The following PKHD1L1 variants were observed in gnomAD, a reference collection of about 807,000 sequenced individuals.
PKHD1L1 encodes the protein fibrocystin-L.
In PKHD1L1, 434 loss-of-function variants were observed where a neutral mutation model predicts 462.9. That is an observed-to-expected ratio of 0.94 (90% CI 0.87 to 1.02). PKHD1L1 has a LOEUF of 1.02. PKHD1L1 is among the 50% of genes least tolerant of loss of function. The pLI is 0.00. For missense variants in PKHD1L1, 5,202 were observed against 5,096.1 expected (o/e 1.02, Z -0.63); for synonymous variants, 1,781 against 1,750.0 (o/e 1.02, Z -0.44).
intron 19 of PKHD1L1, 100 bp downstream of exon 19, chr8:109,410,078 G>C: frequency 1.5e-6 from 1 of 650,588 alleles, no homozygotes; most frequent in East Asian, 3.3e-5. Flanking sequence ...TAATAACTTT[G>C]TTATTCACAG....
intron 27 of PKHD1L1, among the ~76,000 whole-genome samples, chr8:109,431,549 G>A (rs1344065115): frequency 2.0e-5 from 3 of 151,878 alleles, no homozygotes. Context: ...CACACACACG[G>A]TAATTTTGCC....
In PKHD1L1 at chr8:109,507,881, A is replaced by C; in HGVS notation, c.11213A>C (p.Lys3738Thr). The C allele has an allele frequency of 2.5e-6, 4 of 1,613,520 alleles. No homozygotes were observed. The highest frequency in any genetic ancestry group is 3.4e-6 in the Non-Finnish European group (4 of 1,179,606). Residue 3738 changes from lysine to threonine, a missense_variant, in exon 69 of 78, where the codon AAA becomes ACA. Transcript: ENST00000378402. ...LNGSRIPVTE[K>T]APHKGIIRDS... Reference sequence around the variant, plus strand: ...GGAAGTAGAATTCCTGTCACTGAGAAAGCACCTCATAAAGGTTTGTTGGAT... The same window carrying C: ...GGAAGTAGAATTCCTGTCACTGAGACAGCACCTCATAAAGGTTTGTTGGAT...
chr8:109,494,932 T>G (rs1028846875), intron 63 of PKHD1L1, among the ~76,000 whole-genome samples: 1 of 151,966 alleles, frequency 6.6e-6, no homozygotes, highest in African/African-American at 2.4e-5. Context: ...GGACTTTCTT[T>G]GAGAAATGTA....
At chr8:109,507,984 A>G in intron 69 of PKHD1L1, 89 bp downstream of exon 69, 3 of 1,514,748 alleles carry the variant, frequency 2.0e-6, no homozygotes, top group Non-Finnish European at 2.7e-6. Context: ...TACTCAACCA[A>G]TAACTTTTAT....
intron 67 of PKHD1L1, chr8:109,498,989 C>A: frequency 2.0e-6 from 1 of 499,438 alleles, no homozygotes; most frequent in Non-Finnish European, 3.5e-6. Context: ...GTTAAATTTT[C>A]CTTCTAAAAC....
chr8:109,435,473 A>G (rs2130714266), intron 29 of PKHD1L1, 119 bp downstream of exon 29: 1 of 1,117,740 alleles, frequency 8.9e-7, no homozygotes. Context: ...AGAACAAAGG[A>G]AAGTCTCCTT....
intron 39 of PKHD1L1, 119 bp downstream of exon 39, chr8:109,448,510 T>G: frequency 1.6e-6 from 2 of 1,222,202 alleles, no homozygotes; most frequent in East Asian, 2.7e-5. Context: ...TTTTTTTTGT[T>G]TGTTTGGTTT....
At position 109,497,882 on chromosome 8, in the gene PKHD1L1, TC is replaced by T. The variant is rs577988816; in HGVS notation, c.10600-577del. On this transcript the variant is annotated intron_variant, in intron 65 of 77. Coordinates refer to ENST00000378402, the MANE Select transcript of PKHD1L1 (RefSeq NM_177531.6). ...TCCTCCACTTTTTTGTGCCTACTGTTCCCTGGATGTATTTATCACAGAAACA... is the reference window on the plus strand; with the variant it reads ...TCCTCCACTTTTTTGTGCCTACTGTTCCTGGATGTATTTATCACAGAAACA... Among the ~76,000 whole-genome samples the T allele has an allele frequency of 6.6e-5, 10 of 152,276 alleles. No homozygotes were observed. In the East Asian group the frequency reaches 1.7e-3, roughly 26 times the overall value.
chr8:109,438,655 TA>T (rs1000427096), intron 31 of PKHD1L1, among the ~76,000 whole-genome samples, 199 bp downstream of exon 31: 15 of 152,058 alleles, frequency 9.9e-5, no homozygotes, highest in Non-Finnish European at 1.5e-5. Context: ...AGAAAAATAG[TA>T]AGTTTTTTTT....
chr8:109,386,478 A>G (rs1417220258), intron 6 of PKHD1L1, among the ~76,000 whole-genome samples: 1 of 152,212 alleles, frequency 6.6e-6, no homozygotes, highest in East Asian at 1.9e-4. Context: ...AGGTATATAT[A>G]CACACACATA....
rs1175730628 is a variant in PKHD1L1 at position 109,531,853 on chromosome 8, C to T, written c.*1763C>T. Among the ~76,000 whole-genome samples, 1 of 151,952 alleles carries T rather than the reference C, an allele frequency of 6.6e-6. No homozygotes were observed. The highest frequency in any genetic ancestry group is 6.6e-5 in the Admixed American group (1 of 15,252). ...CTGGTGGGGTGAAAAACCTCTGTTC[C>T]TGGGATAGGGAGGGGGAAAGAGACC... On this transcript the variant is annotated 3_prime_UTR_variant, in exon 78 of 78. Coordinates refer to ENST00000378402, the MANE Select transcript of PKHD1L1 (RefSeq NM_177531.6).
intron 57 of PKHD1L1, 101 bp from the exon 58 acceptor site, chr8:109,484,943 A>G (rs1166065478): frequency 1.1e-6 from 1 of 947,620 alleles, no homozygotes; most frequent in Non-Finnish European, 1.5e-6. Flanking sequence ...CATAATTGCC[A>G]ATGAGATATA....
chr8:109,404,908 T>TA (rs1416906184), intron 15 of PKHD1L1, 87 bp from the exon 16 acceptor site: 1 of 1,104,668 alleles, frequency 9.1e-7, no homozygotes, highest in Non-Finnish European at 1.2e-6. Context: ...AATAGAGCAA[T>TA]AAAGTGGCAT....
At chr8:109,374,843 G>C (rs1359850346) in intron 2 of PKHD1L1, among the ~76,000 whole-genome samples, 1 of 152,126 alleles carries the variant, frequency 6.6e-6, no homozygotes. Flanking sequence ...CTCTCTTCTG[G>C]CTTGTAGAGT....
intron 76 of PKHD1L1, among the ~76,000 whole-genome samples, chr8:109,526,132 T>C (rs1279907657): frequency 6.6e-6 from 1 of 152,214 alleles, no homozygotes; most frequent in African/African-American, 2.4e-5. Context: ...TAAATAATAT[T>C]GGATGAGCTC....
chr8:109,445,306 A>G lies in PKHD1L1; in HGVS notation c.5437A>G (p.Ser1813Gly). 6.2e-7 allele frequency: 1 copy of G among 1,613,974 alleles called. No individual in the cohort carries two copies. Among genetic ancestry groups the G allele is most frequent in the South Asian group, 1.1e-5 (1 of 91,082 alleles). ...TCTCCCAGTTGGACATCATTCTGTT[A>G]GTGTTGTGGTGGGAAGTAAAGGCTT... ...TPLPVGHHSV[S>G]VVVGSKGLAL... The change falls in exon 38 of 78, where the codon AGT (serine) becomes GGT (glycine). Residue 1813 changes from serine (S) to glycine (G), a missense_variant. Physicochemically the swap from Ser to Gly is moderately conservative, Grantham distance 56. Coordinates refer to ENST00000378402, the MANE Select transcript of PKHD1L1 (RefSeq NM_177531.6).
chr8:109,460,432 G>A (rs960028836), intron 47 of PKHD1L1, among the ~76,000 whole-genome samples: 1 of 152,062 alleles, frequency 6.6e-6, no homozygotes, highest in Non-Finnish European at 1.5e-5. Flanking sequence ...AATGATGGGG[G>A]GAAAATCTAT....
At chr8:109,454,968 T>G in intron 45 of PKHD1L1, 116 bp downstream of exon 45, 1 of 1,305,056 alleles carries the variant, frequency 7.7e-7, no homozygotes, top group Non-Finnish European at 1.0e-6. Flanking sequence ...TGTGTTAGGC[T>G]TCTCATGTCT....
chr8:109,496,971 A>T lies in PKHD1L1; in HGVS notation c.10380A>T (p.Leu3460Phe). The T allele has an allele frequency of 6.2e-7, 1 of 1,613,434 alleles. No individual in the cohort carries two copies. Among genetic ancestry groups the T allele is most frequent in the Non-Finnish European group, 8.5e-7 (1 of 1,179,372 alleles). Residue 3460 changes from leucine (L) to phenylalanine (F), a missense_variant, in exon 64 of 78, where the codon TTA (leucine) becomes TTT (phenylalanine). Leu to Phe is a conservative substitution (Grantham distance 22). Coordinates refer to ENST00000378402, the MANE Select transcript of PKHD1L1 (RefSeq NM_177531.6). ...KWFDNEAHGG[L>F]YGIYMNQDGL... ...TTGACAATGAAGCCCATGGAGGTTT[A>T]TATGGGATCTATATGAACCAAGATG...
Sources: gnomAD v4.1 joint callset for allele counts (sites outside exome capture counted in the v4.1 genomes callset) on GRCh38, gnomAD v4.1.1 for gene constraint, MANE v1.5 for transcripts, NCBI Gene and HGNC (gene_info 2026-07-23, HGNC 2026-07-21) for gene names.